Variants in TFRC observed in about 807,000 individuals in gnomAD.
TFRC encodes the protein transferrin receptor protein 1.
Under a neutral mutation model 85.8 loss-of-function variants are expected in TFRC, and 35 were observed. The ratio of observed to expected loss-of-function variants is 0.41; its 90% CI spans 0.31 to 0.54. The LOEUF (loss-of-function observed/expected upper bound fraction) is 0.54. Among genes scored for constraint, TFRC ranks in the 20% least tolerant of loss-of-function variants. The pLI is 0.31. For synonymous variants in TFRC, 362 were observed against 328.6 expected, an observed-to-expected ratio of 1.10 and a Z score of -1.10; for missense variants, 828 against 921.5, an observed-to-expected ratio of 0.90 and a Z score of 1.31.
chr3:196,067,844 T>C (rs1199778758), intron 8 of TFRC, among the ~76,000 whole-genome samples, 187 bp from the exon 9 acceptor site: 1 of 152,232 alleles, frequency 6.6e-6, no homozygotes, highest in Admixed American at 6.5e-5. Context: ...CAAGGCACTA[T>C]TGACAAAGTA....
intron 8 of TFRC, 29 bp from the exon 9 acceptor site, chr3:196,067,686 A>G (rs1428074419): frequency 1.6e-5 from 25 of 1,607,422 alleles, no homozygotes; most frequent in Non-Finnish European, 2.1e-5. Context: ...AATTCACTCC[A>G]TCACATACTT....
intron 18 of TFRC, 70 bp downstream of exon 18, chr3:196,053,348 T>C (rs1382859674): frequency 3.2e-6 from 5 of 1,560,908 alleles, no homozygotes; most frequent in Non-Finnish European, 3.5e-6. Context: ...TTGTCCACTT[T>C]GCAGAAGTGT....
chr3:196,067,459 C>A, intron 9 of TFRC, 59 bp downstream of exon 9: 1 of 1,523,578 alleles, frequency 6.6e-7, no homozygotes. Flanking sequence ...CAACATATTA[C>A]CGTTCTTCCC....
Position 196,051,622 on chromosome 3 carries a change from A to G in TFRC, c.*320T>C, listed in dbSNP as rs578236364. 2.4e-4 allele frequency: 84 copies of G among 346,524 alleles called. 1 individual carries two copies. The South Asian group carries it at 3.5e-3, about 15-fold the overall frequency. 21.5% of individuals were successfully genotyped at this position (346,524 alleles called of 1,614,324 possible). On this transcript the variant is annotated 3_prime_UTR_variant, in exon 19 of 19. Coordinates refer to ENST00000360110, the MANE Select transcript of TFRC (RefSeq NM_001128148.3). Reference sequence around the variant, plus strand: ...AGACCAGCCCTTAGGATTCAGAGAGATCATTCACATAACTGGTTTCTGACA... The same window carrying G: ...AGACCAGCCCTTAGGATTCAGAGAGGTCATTCACATAACTGGTTTCTGACA...
rs1319687705 is a variant in TFRC, at chr3:196,072,013, C to T, written c.574G>A (p.Val192Ile). 9 of 1,613,044 alleles carry T rather than the reference C, an allele frequency of 5.6e-6. No homozygotes were observed. Among genetic ancestry groups the T allele is most frequent in the Non-Finnish European group, 7.6e-6 (9 of 1,179,722 alleles). ...CATCTTTCAACATACCTGTCTTTGACCTGAATCTTAACAAAATGTTGATCA... is the reference window on the plus strand; with the variant it reads ...CATCTTTCAACATACCTGTCTTTGATCTGAATCTTAACAAAATGTTGATCA... ...WRDQHFVKIQ[V>I]KDSAQNSVII... The change falls in exon 5 of 19, where the codon GTC becomes ATC. Residue 192 changes from valine (V) to isoleucine (I), a missense_variant. Val to Ile is a conservative substitution (Grantham distance 29). Coordinates refer to ENST00000360110, the MANE Select transcript of TFRC (RefSeq NM_001128148.3).
chr3:196,071,068 T>C (rs1718159715), intron 6 of TFRC, among the ~76,000 whole-genome samples: 1 of 152,214 alleles, frequency 6.6e-6, no homozygotes, highest in Non-Finnish European at 1.5e-5. Context: ...TACTACTATG[T>C]ATGTCAGGCA....
chr3:196,069,308 T>C, intron 7 of TFRC, 147 bp downstream of exon 7: 2 of 593,694 alleles, frequency 3.4e-6, no homozygotes, highest in Middle Eastern at 4.6e-4. Context: ...CTTCATTTGT[T>C]GAGCATTTTA....
Position 196,058,564 on chromosome 3 carries a change from C to T in TFRC, c.1595+10G>A, listed in dbSNP as rs1245204705. 1.2e-6 allele frequency: 2 copies of T among 1,608,328 alleles called. No individual in the cohort carries two copies. The highest frequency in any genetic ancestry group is 2.2e-5 in the South Asian group (2 of 89,392). On this transcript the variant is annotated intron_variant, in intron 15 of 18. Coordinates refer to ENST00000360110, the MANE Select transcript of TFRC (RefSeq NM_001128148.3). The stretch of plus-strand genomic sequence containing the variant: ...TCTATTAGTTTGTTCATTCACTTTT[C>T]TCAACTTACACTTTGCTGGCCCAGT...
chr3:196,063,201 T>A (rs1717433707), intron 11 of TFRC: 1 of 369,220 alleles, frequency 2.7e-6, no homozygotes. Context: ...AGATTTTGAG[T>A]ACATAGCAGG....
intron 10 of TFRC, among the ~76,000 whole-genome samples, 189 bp from the exon 11 acceptor site, chr3:196,064,617 T>C (rs1296226764): frequency 6.6e-6 from 1 of 152,260 alleles, no homozygotes; most frequent in Admixed American, 6.5e-5. Flanking sequence ...ACCTTACTAG[T>C]AGAGCTACTT....
Position 196,062,912 on chromosome 3 carries a change from A to G in TFRC, c.1346T>C (p.Ile449Thr). The change falls in exon 12 of 19, where the codon ATC becomes ACC. Residue 449 changes from isoleucine to threonine, a missense_variant. Coordinates refer to ENST00000360110, the MANE Select transcript of TFRC (RefSeq NM_001128148.3). ...KDGFQPSRSI[I>T]FASWSAGDFG... ...GTCTCCAGCACTCCAACTGGCAAAG[A>G]TAATGCTTCTGCTGGGCTGAAACCC... 6.2e-7 allele frequency: 1 copy of G among 1,614,188 alleles called. No homozygotes were observed. Among genetic ancestry groups the G allele is most frequent in the Non-Finnish European group, 8.5e-7 (1 of 1,180,042 alleles).
At position 196,060,419 on chromosome 3, in the gene TFRC, T is replaced by C. The variant is rs1717171816; in HGVS notation, c.1469-172A>G. 8.1e-6 allele frequency: 5 copies of C among 615,278 alleles called. No individual in the cohort carries two copies. The South Asian group carries it at 9.8e-5, about 12-fold the overall frequency. The allele number at this position is 615,278 out of a possible 1,614,324, so 38.1% of individuals were successfully genotyped here. ...AAAGTAATTTTGGTATCAAGCTCTT[T>C]AGCAACTAAGCTAACTTCACTCAAG... On this transcript the variant is annotated intron_variant, in intron 13 of 18. Transcript: ENST00000360110.
chr3:196,059,337 C>G (rs981673527), intron 14 of TFRC, among the ~76,000 whole-genome samples: 1 of 152,132 alleles, frequency 6.6e-6, no homozygotes, highest in Admixed American at 6.5e-5. Context: ...AACAAACAAA[C>G]AAACAAACAA....
intron 1 of TFRC, 108 bp from the exon 2 acceptor site, chr3:196,077,230 CT>C (rs1718782030): frequency 1.4e-6 from 1 of 722,528 alleles, no homozygotes; most frequent in Admixed American, 2.7e-5. Context: ...TACATTATCA[CT>C]TTTCTAGAAA....
Position 196,069,553 on chromosome 3 carries a change from C to T in TFRC, c.703G>A (p.Ala235Thr), listed in dbSNP as rs1194768109. ...AATVTGKLVH[A>T]NFGTKKDFED... ...AAATCTTTTTTAGTACCAAAATTAGCATGGACCAGTTTACCCTAGAACAAA... is the reference window on the plus strand; with the variant it reads ...AAATCTTTTTTAGTACCAAAATTAGTATGGACCAGTTTACCCTAGAACAAA... The change falls in exon 7 of 19, where the codon GCT becomes ACT. Residue 235 changes from alanine to threonine, a missense_variant. Physicochemically the swap from Ala to Thr is moderately conservative, Grantham distance 58. Coordinates refer to ENST00000360110, the MANE Select transcript of TFRC (RefSeq NM_001128148.3). 2 of 1,603,686 alleles carry T rather than the reference C, an allele frequency of 1.2e-6. No homozygotes were observed. The highest frequency in any genetic ancestry group is 1.7e-6 in the Non-Finnish European group (2 of 1,171,086).
chr3:196,067,189 TTCTC>T (rs1165270364), intron 9 of TFRC, among the ~76,000 whole-genome samples: 2 of 152,248 alleles, frequency 1.3e-5, no homozygotes, highest in Non-Finnish European at 2.9e-5. Context: ...TTCTAACAGA[TTCTC>T]TCTACTAACT....
At chr3:196,073,042 A>AAAAAAACAAAC (rs1269895863) in intron 4 of TFRC, among the ~76,000 whole-genome samples, 2 of 114,996 alleles carry the variant, frequency 1.7e-5, no homozygotes, top group Non-Finnish European at 4.1e-5. Flanking sequence ...TCTGCAAAAA[A>AAAAAAACAAAC]AAAAAAAAAA....
intron 6 of TFRC, 137 bp downstream of exon 6, chr3:196,071,257 GTC>G (rs1718178091): frequency 1.5e-6 from 1 of 650,678 alleles, no homozygotes. Flanking sequence ...TGTTGACTGT[GTC>G]ATTAGAGGGT....
intron 2 of TFRC, among the ~76,000 whole-genome samples, chr3:196,076,193 T>C (rs775659200): frequency 3.9e-5 from 6 of 151,908 alleles, no homozygotes; most frequent in South Asian, 2.1e-4. Context: ...TAAGAGAGAA[T>C]TGAGGTCTAG....
Sources: gnomAD v4.1 joint callset for allele counts (sites outside exome capture counted in the v4.1 genomes callset) on GRCh38, gnomAD v4.1.1 for gene constraint, MANE v1.5 for transcripts, NCBI Gene and HGNC (gene_info 2026-07-23, HGNC 2026-07-21) for gene names.